The following GUCY1A2 variants were observed in gnomAD, a reference collection of about 807,000 sequenced individuals.
GUCY1A2 encodes the protein guanylate cyclase soluble subunit alpha-2.
GUCY1A2 carries 27 observed loss-of-function variants against 63.5 expected under a neutral mutation model. That is an observed-to-expected ratio of 0.43 (90% CI 0.31 to 0.59). The LOEUF (loss-of-function observed/expected upper bound fraction) is 0.59, where lower values mean the gene tolerates loss of function less well. Ranked by LOEUF, GUCY1A2 falls within the 20% of genes least tolerant of loss-of-function variation. GUCY1A2 has a pLI of 0.11. For missense variants in GUCY1A2, 768 were observed against 913.3 expected, an observed-to-expected ratio of 0.84 and a Z score of 2.05; for synonymous variants, 364 against 343.5, an observed-to-expected ratio of 1.06 and a Z score of -0.66.
At chr11:106,688,309 T>C (rs1228564470) in intron 7 of GUCY1A2, among the ~76,000 whole-genome samples, 1 of 152,190 alleles carries the variant, frequency 6.6e-6, no homozygotes, top group Non-Finnish European at 1.5e-5. Flanking sequence ...CCAAGCATGC[T>C]ATCCAAACTC....
intron 4 of GUCY1A2, among the ~76,000 whole-genome samples, chr11:106,896,972 T>A (rs1565324083): frequency 2.6e-5 from 4 of 152,190 alleles, no homozygotes; most frequent in African/African-American, 9.6e-5. Context: ...AACAAAAAAA[T>A]TCCTGAGACT....
chr11:106,785,341 C>T (rs1864538021), intron 5 of GUCY1A2, among the ~76,000 whole-genome samples: 2 of 152,142 alleles, frequency 1.3e-5, no homozygotes, highest in Admixed American at 6.5e-5. Flanking sequence ...TCTCAGCACT[C>T]AGCCCTCAGG....
In GUCY1A2 at chr11:106,754,151, CTGTT is replaced by C. The variant is rs932833143; in HGVS notation, c.1836+22284_1836+22287del. Among the ~76,000 whole-genome samples the C allele has an allele frequency of 5.9e-3, 900 of 151,956 alleles. 10 individuals are homozygous for C. Among genetic ancestry groups the C allele is most frequent in the African/African-American group, 0.02 (842 of 41,242 alleles). ...GGGAGTTCACTCATGATTTGGCTCT[CTGTT>C]TGTCTATTATTGGTGTATAGGAATG... On this transcript the variant is annotated intron_variant, in intron 6 of 7. Coordinates refer to ENST00000526355, the MANE Select transcript of GUCY1A2 (RefSeq NM_000855.3).
intron 6 of GUCY1A2, among the ~76,000 whole-genome samples, chr11:106,718,847 T>A (rs1325700623): frequency 6.6e-6 from 1 of 152,114 alleles, no homozygotes; most frequent in African/African-American, 2.4e-5. Context: ...AATAGCAGAA[T>A]TCAAGGATGA....
At chr11:106,910,925 C>A (rs981121686) in intron 4 of GUCY1A2, among the ~76,000 whole-genome samples, 1 of 151,988 alleles carries the variant, frequency 6.6e-6, no homozygotes, top group South Asian at 2.1e-4. Flanking sequence ...AAAACCAGTC[C>A]GCTGAATGTA....
chr11:106,717,174 T>C (rs1408523548), intron 6 of GUCY1A2, among the ~76,000 whole-genome samples: 1 of 152,248 alleles, frequency 6.6e-6, no homozygotes, highest in Non-Finnish European at 1.5e-5. Flanking sequence ...AGAAGGACTC[T>C]TAAAAGATAC....
intron 3 of GUCY1A2, among the ~76,000 whole-genome samples, chr11:106,978,119 A>G (rs534757889): frequency 6.6e-6 from 1 of 152,182 alleles, no homozygotes; most frequent in African/African-American, 2.4e-5. Flanking sequence ...TATCTTTAAG[A>G]TGGACACTCC....
intron 7 of GUCY1A2, among the ~76,000 whole-genome samples, chr11:106,693,451 T>C (rs548902064): frequency 2.0e-5 from 3 of 152,272 alleles, no homozygotes; most frequent in African/African-American, 7.2e-5. Context: ...AATAATAATA[T>C]GGCTAAGTGC....
intron 4 of GUCY1A2, among the ~76,000 whole-genome samples, chr11:106,812,121 G>T (rs776843371): frequency 4.0e-4 from 60 of 151,750 alleles, no homozygotes; most frequent in Non-Finnish European, 6.8e-4. Flanking sequence ...GGATCTTAAG[G>T]GCATGGTAAG....
At chr11:106,910,624 T>C (rs916834419) in intron 4 of GUCY1A2, among the ~76,000 whole-genome samples, 3 of 152,058 alleles carry the variant, frequency 2.0e-5, no homozygotes, top group Admixed American at 6.6e-5. Flanking sequence ...GCAGTTAGTC[T>C]GGATATGTGA....
intron 3 of GUCY1A2, among the ~76,000 whole-genome samples, chr11:106,943,260 A>T (rs1860774708): frequency 6.6e-6 from 1 of 152,204 alleles, no homozygotes; most frequent in African/African-American, 2.4e-5. Context: ...CCTACGATTG[A>T]CGCAAACCCC....
At chr11:106,868,031 A>G (rs1859619770) in intron 4 of GUCY1A2, among the ~76,000 whole-genome samples, 2 of 152,070 alleles carry the variant, frequency 1.3e-5, no homozygotes, top group Non-Finnish European at 2.9e-5. Flanking sequence ...ACAAACTAAA[A>G]GTAAATTCTG....
chr11:106,755,363 T>A (rs760486686), intron 6 of GUCY1A2, among the ~76,000 whole-genome samples: 5 of 152,176 alleles, frequency 3.3e-5, no homozygotes, highest in African/African-American at 7.2e-5. Context: ...TCTGCTCTCA[T>A]CTTAGTTATT....
intron 1 of GUCY1A2, among the ~76,000 whole-genome samples, chr11:106,995,271 A>G (rs1263199871): frequency 6.6e-6 from 1 of 152,198 alleles, no homozygotes; most frequent in Non-Finnish European, 1.5e-5. Context: ...GATGTTCAAA[A>G]TAATCTTACA....
intron 1 of GUCY1A2, among the ~76,000 whole-genome samples, chr11:107,015,699 G>C (rs577583836): frequency 1.8e-3 from 270 of 146,534 alleles, no homozygotes; most frequent in South Asian, 0.011. Flanking sequence ...CTATTTTATT[G>C]CACAAATGTT....
chr11:106,946,508 T>C (rs1860831112), intron 3 of GUCY1A2, among the ~76,000 whole-genome samples: 1 of 151,482 alleles, frequency 6.6e-6, no homozygotes, highest in Non-Finnish European at 1.5e-5. Context: ...AATAAAAGGT[T>C]GAAAATGAGT....
At chr11:106,988,272 A>T (rs1861426842) in intron 1 of GUCY1A2, among the ~76,000 whole-genome samples, 1 of 152,220 alleles carries the variant, frequency 6.6e-6, no homozygotes, top group African/African-American at 2.4e-5. Flanking sequence ...TACCCCTTGG[A>T]TCTGGGCCTC....
At chr11:106,708,378 T>G (rs1862954822) in intron 7 of GUCY1A2, 134 bp downstream of exon 7, 2 of 594,486 alleles carry the variant, frequency 3.4e-6, no homozygotes, top group East Asian at 3.1e-5. Flanking sequence ...ATCTATCTTT[T>G]GGGTTTGGGC....
intron 4 of GUCY1A2, among the ~76,000 whole-genome samples, chr11:106,868,465 GACAA>G (rs913481193): frequency 1.6e-4 from 23 of 147,020 alleles, no homozygotes; most frequent in African/African-American, 2.2e-4. Context: ...ACCAATAACA[GACAA>G]ACAGAGAGCC....
Sources: gnomAD v4.1 joint callset for allele counts (sites outside exome capture counted in the v4.1 genomes callset) on GRCh38, gnomAD v4.1.1 for gene constraint, MANE v1.5 for transcripts, NCBI Gene and HGNC (gene_info 2026-07-23, HGNC 2026-07-21) for gene names.